RGS7: variants seen among roughly 807,000 people sequenced by gnomAD.
The protein encoded by RGS7 is regulator of G-protein signaling 7.
In RGS7, 27 loss-of-function variants were observed where a neutral mutation model predicts 81.1. That is an observed-to-expected ratio of 0.33 (90% CI 0.25 to 0.46). RGS7 has a LOEUF of 0.46. RGS7 is among the 20% of genes least tolerant of loss of function. RGS7 has a pLI of 1.00. For synonymous variants in RGS7, 208 were observed against 207.7 expected (o/e 1.00, Z -0.01); for missense variants, 396 against 607.4 (o/e 0.65, Z 3.66).
At chr1:241,268,532 T>G (rs1190049665) in intron 2 of RGS7, among the ~76,000 whole-genome samples, 1 of 152,192 alleles carries the variant, frequency 6.6e-6, no homozygotes, top group Non-Finnish European at 1.5e-5. Flanking sequence ...GTCTGAGTTC[T>G]TCCAACTGTT....
chr1:240,964,722 T>C (rs1190991946), intron 4 of RGS7, among the ~76,000 whole-genome samples: 1 of 152,206 alleles, frequency 6.6e-6, no homozygotes, highest in African/African-American at 2.4e-5. Context: ...TTGGTTACTA[T>C]TTTATCACCC....
At chr1:241,087,218 C>A (rs1187704770) in intron 3 of RGS7, among the ~76,000 whole-genome samples, 1 of 152,144 alleles carries the variant, frequency 6.6e-6, no homozygotes, top group African/African-American at 2.4e-5. Flanking sequence ...CAGATACCCA[C>A]TTCAAAGAAA....
chr1:241,079,830 TTTTATTTATTTA>T (rs10700153), intron 3 of RGS7, among the ~76,000 whole-genome samples: 4 of 151,120 alleles, frequency 2.6e-5, no homozygotes, highest in Admixed American at 1.3e-4. Flanking sequence ...CCCCATAGGC[TTTTATTTATTTA>T]TTTATTTATT....
chr1:240,999,626 C>G (rs571378395), intron 3 of RGS7, among the ~76,000 whole-genome samples: 2 of 152,172 alleles, frequency 1.3e-5, no homozygotes, highest in South Asian at 4.2e-4. Flanking sequence ...GTTAATACAG[C>G]GTCTCACTCT....
intron 6 of RGS7, 82 bp from the exon 7 acceptor site, chr1:240,870,201 G>T: frequency 8.3e-7 from 1 of 1,199,786 alleles, no homozygotes; most frequent in Non-Finnish European, 1.2e-6. Context: ...CAAATCAAGG[G>T]CATTGCACTT....
intron 4 of RGS7, among the ~76,000 whole-genome samples, chr1:240,972,705 A>AC: frequency 2.7e-5 from 1 of 36,964 alleles, no homozygotes; most frequent in Admixed American, 3.1e-4. Flanking sequence ...ATAAAAAAAA[A>AC]AAAAACAAAA....
chr1:241,221,158 AGAAG>A (rs1221001005), intron 2 of RGS7, among the ~76,000 whole-genome samples: 4 of 151,248 alleles, frequency 2.6e-5, no homozygotes, highest in Middle Eastern at 6.8e-3. Flanking sequence ...AGAAAACAAA[AGAAG>A]GAAGGAAGGG....
At chr1:241,113,656 T>G (rs72632887) in intron 2 of RGS7, among the ~76,000 whole-genome samples, 47 of 152,318 alleles carry the variant, frequency 3.1e-4, no homozygotes, top group Middle Eastern at 6.8e-3. Context: ...CAGAGCCATG[T>G]GCAAATCTCA....
intron 2 of RGS7, among the ~76,000 whole-genome samples, chr1:241,120,230 T>A (rs1304533598): frequency 6.6e-6 from 1 of 152,220 alleles, no homozygotes; most frequent in African/African-American, 2.4e-5. Context: ...AAAATGGGCT[T>A]ACCTTCCAAG....
intron 2 of RGS7, among the ~76,000 whole-genome samples, chr1:241,136,986 T>C (rs966552085): frequency 2.6e-5 from 4 of 152,196 alleles, no homozygotes; most frequent in African/African-American, 9.6e-5. Context: ...CAAAATTCTA[T>C]TATAAAGCTA....
chr1:240,863,924 G>A (rs1662732075), intron 9 of RGS7, among the ~76,000 whole-genome samples: 1 of 151,974 alleles, frequency 6.6e-6, no homozygotes, highest in Non-Finnish European at 1.5e-5. Flanking sequence ...CTTTTTGCAG[G>A]ATAGATACAT....
At chr1:241,304,241 C>A (rs940290973) in intron 2 of RGS7, among the ~76,000 whole-genome samples, 2 of 152,138 alleles carry the variant, frequency 1.3e-5, no homozygotes, top group Non-Finnish European at 2.9e-5. Context: ...TATATTTTAA[C>A]AGGATCACTC....
chr1:241,265,746 C>T (rs1241874490), intron 2 of RGS7, among the ~76,000 whole-genome samples: 1 of 150,192 alleles, frequency 6.7e-6, no homozygotes, highest in African/African-American at 2.5e-5. Flanking sequence ...TATTAGCAGC[C>T]AAGTCACCCT....
Position 241,033,835 on chromosome 1 carries a change from A to G in RGS7, c.176-50706T>C, listed in dbSNP as rs112495783. On this transcript the variant is annotated intron_variant, in intron 3 of 18. Transcript: ENST00000440928. ...TTGCAGTTGGAATTGCTTGCAAGAA[A>G]GAAGGGTGGGAGAAGTTTACTGTCG... Among the ~76,000 whole-genome samples, 891 of 152,284 alleles carry G rather than the reference A, an allele frequency of 5.9e-3. 10 individuals are homozygous for G. Among genetic ancestry groups the G allele is most frequent in the African/African-American group, 0.021 (856 of 41,558 alleles).
At chr1:241,168,506 G>A (rs1411822675) in intron 2 of RGS7, among the ~76,000 whole-genome samples, 2 of 152,030 alleles carry the variant, frequency 1.3e-5, no homozygotes, top group African/African-American at 4.8e-5. Context: ...TCCTCCCCTC[G>A]AGTGTGTGCT....
rs5782164 is a variant in RGS7 at position 240,810,445 on chromosome 1, C to CTT, written c.1082+1471_1082+1472dup. On this transcript the variant is annotated intron_variant, in intron 14 of 18. Transcript: ENST00000440928. ...ATCTCTGCTTTATTTTTAATGCATT[C>CTT]TTTTTTTTTTTTTTTTTTTGAGACA... 2.3e-3 allele frequency among the ~76,000 whole-genome samples: 284 copies of CTT among 124,586 alleles called. 3 individuals carry two copies. Among genetic ancestry groups the CTT allele is most frequent in the South Asian group, 5.2e-3 (20 of 3,824 alleles). The allele number at this position is 124,586 out of a possible 152,430, so 81.7% of individuals were successfully genotyped here.
At chr1:240,777,255 C>T (rs1683112895) in intron 18 of RGS7, among the ~76,000 whole-genome samples, 2 of 147,646 alleles carry the variant, frequency 1.4e-5, no homozygotes, top group African/African-American at 5.3e-5. Flanking sequence ...ACACTCCAGC[C>T]TGGGTGACAA....
At chr1:241,092,790 C>T (rs2063972327) in intron 3 of RGS7, among the ~76,000 whole-genome samples, 1 of 151,766 alleles carries the variant, frequency 6.6e-6, no homozygotes, top group African/African-American at 2.4e-5. Flanking sequence ...CCTTACCTGC[C>T]TTCAAAATAT....
intron 2 of RGS7, among the ~76,000 whole-genome samples, chr1:241,268,836 A>G (rs2077728820): frequency 6.6e-6 from 1 of 152,106 alleles, no homozygotes; most frequent in Non-Finnish European, 1.5e-5. Flanking sequence ...AAATGTGTGG[A>G]CACCTCTAGC....
Sources: allele counts gnomAD v4.1 joint callset (sites outside exome capture counted in the v4.1 genomes callset), GRCh38; gene constraint gnomAD v4.1.1; transcripts MANE v1.5; gene names NCBI Gene and HGNC (gene_info 2026-07-23, HGNC 2026-07-21).